Variants in HACE1 observed in about 807,000 individuals in gnomAD.
HACE1 encodes the protein E3 ubiquitin-protein ligase HACE1.
HACE1 carries 73 observed loss-of-function variants against 118.4 expected under a neutral mutation model. The observed-to-expected ratio is 0.62, with a 90% CI of 0.51 to 0.75. The LOEUF is 0.75. Among genes scored for constraint, HACE1 ranks in the 30% least tolerant of loss-of-function variants. HACE1 has a pLI of 0.00. For missense variants in HACE1, 749 were observed against 1,102.2 expected, an observed-to-expected ratio of 0.68 and a Z score of 4.54; for synonymous variants, 368 against 374.8, an observed-to-expected ratio of 0.98 and a Z score of 0.21.
chr6:104,765,590 T>C (rs774249698), intron 19 of HACE1, among the ~76,000 whole-genome samples: 1 of 152,232 alleles, frequency 6.6e-6, no homozygotes, highest in Non-Finnish European at 1.5e-5. Context: ...GCAGATGCTC[T>C]ATTGCCACAA....
intron 7 of HACE1, among the ~76,000 whole-genome samples, chr6:104,809,658 T>TC (rs1562422427): frequency 6.7e-6 from 1 of 150,206 alleles, no homozygotes; most frequent in African/African-American, 2.4e-5. Context: ...GCAGATTCTT[T>TC]TTTTTTTTTT....
chr6:104,741,297 A>T (rs1328010666), intron 22 of HACE1, among the ~76,000 whole-genome samples: 1 of 132,302 alleles, frequency 7.6e-6, no homozygotes, highest in Non-Finnish European at 1.6e-5. Flanking sequence ...ATAGTGTTGG[A>T]AGTTCTGGCC....
intron 22 of HACE1, chr6:104,731,236 T>C (rs1407181128): frequency 6.6e-6 from 1 of 152,144 alleles, no homozygotes; most frequent in African/African-American, 2.4e-5. Flanking sequence ...TGAGGTGCTG[T>C]AGTGCTTTTT....
chr6:104,736,367 CT>C (rs1775835385), intron 22 of HACE1, among the ~76,000 whole-genome samples: 1 of 152,106 alleles, frequency 6.6e-6, no homozygotes, highest in Non-Finnish European at 1.5e-5. Context: ...TCACTGCAAT[CT>C]CCACCTCCCA....
chr6:104,847,537 AG>A (rs1775776253), intron 4 of HACE1, among the ~76,000 whole-genome samples: 1 of 152,232 alleles, frequency 6.6e-6, no homozygotes, highest in Non-Finnish European at 1.5e-5. Context: ...GAAATGGAGC[AG>A]ATCAGCAAGA....
chr6:104,744,732 A>G, intron 20 of HACE1, 122 bp from the exon 21 acceptor site: 1 of 670,126 alleles, frequency 1.5e-6, no homozygotes, highest in Non-Finnish European at 2.7e-6. Context: ...TTTTTGTGAC[A>G]GTTCCTGCAT....
intron 3 of HACE1, 131 bp downstream of exon 3, chr6:104,850,776 T>C (rs1776124427): frequency 1.3e-6 from 1 of 770,410 alleles, no homozygotes; most frequent in Admixed American, 1.7e-5. Flanking sequence ...CACCACGCGC[T>C]CAAACAGGAT....
intron 6 of HACE1, among the ~76,000 whole-genome samples, chr6:104,832,655 T>C (rs1025597976): frequency 3.3e-5 from 5 of 152,114 alleles, no homozygotes; most frequent in South Asian, 2.1e-4. Flanking sequence ...CCTCCCAAAG[T>C]GCTGGGATTA....
chr6:104,806,438 G>C (rs941347317), intron 7 of HACE1, among the ~76,000 whole-genome samples: 3 of 151,930 alleles, frequency 2.0e-5, no homozygotes, highest in Admixed American at 6.6e-5. Context: ...CTCCAGCCTG[G>C]GTGGCAGAAC....
intron 19 of HACE1, among the ~76,000 whole-genome samples, chr6:104,758,065 C>T (rs1435653363): frequency 6.6e-6 from 1 of 152,116 alleles, no homozygotes; most frequent in Non-Finnish European, 1.5e-5. Flanking sequence ...ACCAAATATA[C>T]ATTTGATTGG....
At chr6:104,813,066 C>T (rs1771798892) in intron 6 of HACE1, among the ~76,000 whole-genome samples, 1 of 138,488 alleles carries the variant, frequency 7.2e-6, no homozygotes, top group South Asian at 2.2e-4. Flanking sequence ...CTCCATGTTC[C>T]AACTAGGCTC....
intron 6 of HACE1, among the ~76,000 whole-genome samples, chr6:104,816,803 G>A (rs1772165888): frequency 6.6e-6 from 1 of 152,208 alleles, no homozygotes; most frequent in African/African-American, 2.4e-5. Flanking sequence ...CTAGGGGGCT[G>A]TACCCTGCTG....
At chr6:104,830,296 A>C (rs966410715) in intron 6 of HACE1, among the ~76,000 whole-genome samples, 5 of 152,182 alleles carry the variant, frequency 3.3e-5, no homozygotes, top group African/African-American at 1.2e-4. Context: ...TTTCCCACAT[A>C]GAATACGTTT....
At chr6:104,840,660 C>A (rs1174994398) in intron 5 of HACE1, among the ~76,000 whole-genome samples, 1 of 151,196 alleles carries the variant, frequency 6.6e-6, no homozygotes, top group Non-Finnish European at 1.5e-5. Context: ...AAAACCCCGT[C>A]TCTATTAAAA....
intron 6 of HACE1, among the ~76,000 whole-genome samples, chr6:104,812,550 A>G (rs1771741741): frequency 6.6e-6 from 1 of 152,160 alleles, no homozygotes; most frequent in South Asian, 2.1e-4. Flanking sequence ...TGTCAGTAAA[A>G]TAATAAAACT....
In HACE1 at chr6:104,859,553, G is replaced by T. The variant is rs749642305; in HGVS notation, c.76+14C>A. 6.6e-7 allele frequency: 1 copy of T among 1,510,826 alleles called. No homozygotes were observed. The highest frequency in any genetic ancestry group is 8.8e-7 in the Non-Finnish European group (1 of 1,135,134). The allele number at this position is 1,510,826 out of a possible 1,614,324, so 93.6% of individuals were successfully genotyped here. On this transcript the variant is annotated intron_variant, in intron 1 of 23. Transcript: ENST00000262903. The stretch of plus-strand genomic sequence containing the variant: ...CCAGCCCCGCGGCCAGCCTGGCCCC[G>T]CGACCCGGCTCACCCTCGGGCAACT...
chr6:104,744,674 T>A, intron 20 of HACE1, 64 bp from the exon 21 acceptor site: 1 of 933,032 alleles, frequency 1.1e-6, no homozygotes, highest in Non-Finnish European at 1.7e-6. Context: ...TATATTTAAG[T>A]GGTAAATTTG....
intron 6 of HACE1, among the ~76,000 whole-genome samples, chr6:104,831,942 A>G (rs1191783028): frequency 1.0e-5 from 1 of 100,066 alleles, no homozygotes; most frequent in African/African-American, 3.6e-5. Context: ...AGAGAAGAGA[A>G]GAGAAGAGAA....
At chr6:104,793,216 G>A (rs924742295) in intron 10 of HACE1, among the ~76,000 whole-genome samples, 3 of 145,778 alleles carry the variant, frequency 2.1e-5, no homozygotes, top group Non-Finnish European at 3.0e-5. Context: ...GCAGTAAGCC[G>A]AGATCGCGCC....
Sources: allele counts gnomAD v4.1 joint callset (sites outside exome capture counted in the v4.1 genomes callset), GRCh38; gene constraint gnomAD v4.1.1; transcripts MANE v1.5; gene names NCBI Gene and HGNC (gene_info 2026-07-23, HGNC 2026-07-21).